The following DROSHA variants were observed in gnomAD, a reference collection of about 807,000 sequenced individuals.
DROSHA encodes ribonuclease 3.
A neutral mutation model predicts 181.9 loss-of-function variants in DROSHA; 56 were observed. That is an observed-to-expected ratio of 0.31 (90% confidence interval 0.25 to 0.38). DROSHA has a LOEUF of 0.38. DROSHA is among the 10% of genes least tolerant of loss of function. The pLI, the probability that DROSHA is intolerant of heterozygous loss-of-function variation, is 1.00. For missense variants in DROSHA, 1,218 were observed against 1,743.5 expected, an observed-to-expected ratio of 0.70 and a Z score of 5.37; for synonymous variants, 524 against 591.2, an observed-to-expected ratio of 0.89 and a Z score of 1.65.
At chr5:31,454,765 C>A (rs1747438067) in intron 20 of DROSHA, among the ~76,000 whole-genome samples, 1 of 151,162 alleles carries the variant, frequency 6.6e-6, no homozygotes. Context: ...ATGGTGAGAC[C>A]CCGTCTCTAC....
chr5:31,466,886 C>G (rs1749079764), intron 18 of DROSHA, among the ~76,000 whole-genome samples: 1 of 152,102 alleles, frequency 6.6e-6, no homozygotes, highest in East Asian at 1.9e-4. Flanking sequence ...ATAACCTAGA[C>G]CAGTCTAAAG....
Position 31,415,490 on chromosome 5 carries a change from C to T in DROSHA, c.3526-4603G>A, listed in dbSNP as rs150723009. Among the ~76,000 whole-genome samples, 454 of 152,288 alleles carry T rather than the reference C, an allele frequency of 3.0e-3. 12 individuals are homozygous for T. The highest frequency in any genetic ancestry group is 7.2e-4 in the African/African-American group (30 of 41,572). On this transcript the variant is annotated intron_variant, in intron 30 of 35. Transcript: ENST00000344624. The stretch of plus-strand genomic sequence containing the variant: ...GAGGCTGTGTAATCTATCTTCTCAA[C>T]GAGATCTTTTAGATAAAATACCTGT...
At chr5:31,439,971 C>T (rs1220048970) in intron 23 of DROSHA, among the ~76,000 whole-genome samples, 1 of 152,162 alleles carries the variant, frequency 6.6e-6, no homozygotes, top group Non-Finnish European at 1.5e-5. Flanking sequence ...CACCAACCCA[C>T]ATCTCCCCAA....
At chr5:31,507,751 T>A (rs907436253) in intron 10 of DROSHA, among the ~76,000 whole-genome samples, 3 of 152,230 alleles carry the variant, frequency 2.0e-5, no homozygotes, top group Non-Finnish European at 2.9e-5. Flanking sequence ...GATTATAAAT[T>A]TGAAGTACAA....
intron 15 of DROSHA, among the ~76,000 whole-genome samples, chr5:31,484,512 T>TGTGTGC (rs1388610015): frequency 1.3e-5 from 2 of 151,486 alleles, no homozygotes; most frequent in African/African-American, 2.4e-5. Context: ...TGCATGTGTG[T>TGTGTGC]GTTTTAATGA....
chr5:31,441,145 G>T (rs1174038405), intron 23 of DROSHA, among the ~76,000 whole-genome samples: 1 of 152,008 alleles, frequency 6.6e-6, no homozygotes, highest in Non-Finnish European at 1.5e-5. Flanking sequence ...GGCAGGCCAG[G>T]TGTGGCTCAT....
chr5:31,492,259 C>T (rs922558691), intron 13 of DROSHA, among the ~76,000 whole-genome samples: 3 of 152,080 alleles, frequency 2.0e-5, no homozygotes, highest in African/African-American at 7.2e-5. Context: ...ATTAGGAAAA[C>T]AATTTGTCCT....
At chr5:31,515,433 C>G in intron 7 of DROSHA, 21 bp downstream of exon 7, 1 of 1,169,054 alleles carries the variant, frequency 8.6e-7, no homozygotes, top group Non-Finnish European at 1.2e-6. Flanking sequence ...AATTCCCAGG[C>G]CCCACCCCAG....
chr5:31,427,905 A>G (rs184173211), intron 27 of DROSHA, among the ~76,000 whole-genome samples: 1 of 152,332 alleles, frequency 6.6e-6, no homozygotes, highest in African/African-American at 2.4e-5. Flanking sequence ...GTACTTCAAA[A>G]TGCTAAAGAG....
chr5:31,502,454 T>G (rs756577279), intron 11 of DROSHA, among the ~76,000 whole-genome samples: 4 of 152,230 alleles, frequency 2.6e-5, no homozygotes, highest in African/African-American at 9.6e-5. Context: ...CTGATAGATA[T>G]GTAAGGCCTG....
At chr5:31,492,645 A>G (rs1055496204) in intron 13 of DROSHA, among the ~76,000 whole-genome samples, 1 of 152,238 alleles carries the variant, frequency 6.6e-6, no homozygotes. Flanking sequence ...GTGAGCATGG[A>G]GATGGAAAGA....
chr5:31,451,962 C>T (rs942457922), intron 20 of DROSHA, among the ~76,000 whole-genome samples: 2 of 152,124 alleles, frequency 1.3e-5, no homozygotes, highest in Non-Finnish European at 1.5e-5. Flanking sequence ...TACCTACTTC[C>T]GAGGATAGCT....
At chr5:31,466,161 G>A in intron 19 of DROSHA, 21 bp downstream of exon 19, 1 of 1,608,094 alleles carries the variant, frequency 6.2e-7, no homozygotes, top group Non-Finnish European at 8.5e-7. Flanking sequence ...TAATCACCAA[G>A]GAATGGAGTT....
intron 35 of DROSHA, among the ~76,000 whole-genome samples, chr5:31,402,287 A>G (rs1374153638): frequency 1.3e-5 from 2 of 152,204 alleles, no homozygotes; most frequent in Non-Finnish European, 2.9e-5. Context: ...AAGTGGATCT[A>G]CATATACAGC....
At chr5:31,417,674 G>C (rs1474824065) in intron 30 of DROSHA, among the ~76,000 whole-genome samples, 1 of 152,190 alleles carries the variant, frequency 6.6e-6, no homozygotes, top group Non-Finnish European at 1.5e-5. Context: ...CACTTACGGA[G>C]CAGAAGTTGA....
chr5:31,446,771 G>A (rs1214664805), intron 23 of DROSHA, among the ~76,000 whole-genome samples: 1 of 152,018 alleles, frequency 6.6e-6, no homozygotes, highest in African/African-American at 2.4e-5. Flanking sequence ...CAGGCACGGT[G>A]ACTCAGGCCT....
In DROSHA at chr5:31,401,581, T is replaced by G. The variant is rs755678648; in HGVS notation, c.3995-19A>C. Reference sequence around the variant, plus strand: ...AAATTATCTGACACAAGGAAATATATTTTATATTTAATAAAATTATATTTA... The same window carrying G: ...AAATTATCTGACACAAGGAAATATAGTTTATATTTAATAAAATTATATTTA... On this transcript the variant is annotated intron_variant, in intron 35 of 35. Transcript: ENST00000344624. 250 of 1,390,676 alleles carry G rather than the reference T, an allele frequency of 1.8e-4. 2 individuals are homozygous for G. The highest frequency in any genetic ancestry group is 9.3e-4 in the Admixed American group (31 of 33,274). The allele number at this position is 1,390,676 out of a possible 1,614,324, so 86.1% of individuals were successfully genotyped here.
chr5:31,432,295 C>T (rs1406122441), intron 25 of DROSHA, among the ~76,000 whole-genome samples: 1 of 152,050 alleles, frequency 6.6e-6, no homozygotes, highest in East Asian at 1.9e-4. Flanking sequence ...CCACACCCAG[C>T]TAATTTCTGT....
At position 31,530,937 on chromosome 5, in the gene DROSHA, G is replaced by A. The variant is rs1311115568; in HGVS notation, c.-173-13C>T. On this transcript the variant is annotated splice_polypyrimidine_tract_variant and intron_variant, in intron 2 of 35. Transcript: ENST00000344624. ...CGGGAAAAGCAACCTACACACAGTA[G>A]GTGGTCAATAAATGTTTACTCTCTC... 1 of 398,314 alleles carries A rather than the reference G, an allele frequency of 2.5e-6. No homozygotes were observed. Among genetic ancestry groups the A allele is most frequent in the Non-Finnish European group, 4.4e-6 (1 of 225,998 alleles). 24.7% of individuals were successfully genotyped at this position (398,314 alleles called of 1,614,324 possible). A position where few individuals can be genotyped will look rare whatever the true frequency, so the allele number is the denominator to read the frequency against.
Sources: gnomAD v4.1 joint callset for allele counts (sites outside exome capture counted in the v4.1 genomes callset) on GRCh38, gnomAD v4.1.1 for gene constraint, MANE v1.5 for transcripts, NCBI Gene and HGNC (gene_info 2026-07-23, HGNC 2026-07-21) for gene names.